RRM2B: variants seen among roughly 807,000 people sequenced by gnomAD.
RRM2B encodes the protein ribonucleotide reductase regulatory TP53 inducible subunit M2B, also known as ribonucleoside-diphosphate reductase subunit M2 B.
Under a neutral mutation model 45.9 loss-of-function variants are expected in RRM2B, and 20 were observed. That is an observed-to-expected ratio of 0.44 (90% CI 0.31 to 0.63). The LOEUF (loss-of-function observed/expected upper bound fraction) is 0.63, where lower values mean the gene tolerates loss of function less well. RRM2B is among the 30% of genes least tolerant of loss of function. The probability of loss-of-function intolerance (pLI) is 0.09; values close to 1 mark genes in which losing one functional copy is unlikely to be tolerated. For synonymous variants in RRM2B, 124 were observed against 132.3 expected (o/e 0.94, Z 0.43); for missense variants, 320 against 414.7 (o/e 0.77, Z 1.98).
At chr8:102,215,944 C>CAAAAAAAAAAAAAAAA (rs60059243) in intron 6 of RRM2B, among the ~76,000 whole-genome samples, 10 of 75,688 alleles carry the variant, frequency 1.3e-4, no homozygotes, top group African/African-American at 3.5e-4. Flanking sequence ...GACCCTGTCT[C>CAAAAAAAAAAAAAAAA]AAAAAAAAAA....
intron 4 of RRM2B, among the ~76,000 whole-genome samples, chr8:102,224,467 C>T (rs1213182221): frequency 6.7e-6 from 1 of 149,826 alleles, no homozygotes; most frequent in Non-Finnish European, 1.5e-5. Flanking sequence ...AGCCACCATG[C>T]CTTGGCCTCA....
chr8:102,223,695 C>CAAAA (rs764014539), intron 5 of RRM2B, among the ~76,000 whole-genome samples: 11 of 74,696 alleles, frequency 1.5e-4, no homozygotes, highest in Admixed American at 3.0e-4. Context: ...GACTCCGTCT[C>CAAAA]AAAAAAAAAA....
intron 6 of RRM2B, among the ~76,000 whole-genome samples, chr8:102,217,157 A>G (rs1351064746): frequency 2.6e-5 from 4 of 152,132 alleles, no homozygotes; most frequent in African/African-American, 7.2e-5. Context: ...CAAAACTACT[A>G]TTTTCAAAAG....
At chr8:102,234,631 C>G (rs971415134) in intron 1 of RRM2B, 4 of 152,198 alleles carry the variant, frequency 2.6e-5, no homozygotes, top group African/African-American at 9.7e-5. Flanking sequence ...GCGGGCGGAT[C>G]ATAAGGTCAA....
At chr8:102,228,097 T>A (rs538098725) in intron 2 of RRM2B, among the ~76,000 whole-genome samples, 2 of 152,200 alleles carry the variant, frequency 1.3e-5, no homozygotes, top group South Asian at 4.1e-4. Flanking sequence ...AAACCACCCA[T>A]GGCCCCACTC....
At chr8:102,238,795 G>GGTGA in intron 1 of RRM2B, 32 bp downstream of exon 1, 2 of 1,613,726 alleles carry the variant, frequency 1.2e-6, no homozygotes, top group Non-Finnish European at 1.7e-6. Context: ...GCGTGACTGC[G>GGTGA]GTGAGGGGGA....
At position 102,238,689 on chromosome 8, in the gene RRM2B, A is replaced by G. The variant is rs756070777; in HGVS notation, c.48+138T>C. ...GCCTCCCCGGCGCTCGCAACGACGA[A>G]GCCAGGCTGCGGCGAGGGCGGGCGG... On this transcript the variant is annotated intron_variant, in intron 1 of 8. Transcript: ENST00000251810. 3.9e-5 allele frequency: 60 copies of G among 1,551,216 alleles called. 1 individual carries two copies. The South Asian group carries it at 6.9e-4, about 18-fold the overall frequency.
chr8:102,234,263 G>A (rs1262436341), intron 1 of RRM2B, among the ~76,000 whole-genome samples: 1 of 152,174 alleles, frequency 6.6e-6, no homozygotes, highest in African/African-American at 2.4e-5. Flanking sequence ...AGTCACATTT[G>A]TATACACATT....
intron 7 of RRM2B, 51 bp downstream of exon 7, chr8:102,214,003 C>T (rs1169566776): frequency 3.3e-6 from 4 of 1,224,628 alleles, no homozygotes; most frequent in Admixed American, 1.7e-5. Context: ...AATAGTGGTA[C>T]AAACATCAGA....
intron 2 of RRM2B, 36 bp downstream of exon 2, chr8:102,232,113 T>C (rs1311993780): frequency 1.9e-6 from 3 of 1,590,026 alleles, no homozygotes; most frequent in Non-Finnish European, 2.6e-6. Context: ...CACTGCACTA[T>C]AGGATGTGAA....
chr8:102,210,565 C>T (rs528039609), intron 8 of RRM2B, among the ~76,000 whole-genome samples: 2 of 151,584 alleles, frequency 1.3e-5, no homozygotes, highest in African/African-American at 2.4e-5. Context: ...TGGGTTCAAG[C>T]GATTCTCTCG....
chr8:102,223,794 TC>T, intron 5 of RRM2B, among the ~76,000 whole-genome samples: 1 of 152,170 alleles, frequency 6.6e-6, no homozygotes, highest in South Asian at 2.1e-4. Context: ...TGTGACTGAC[TC>T]CTGTTTAACT....
chr8:102,238,241 G>C (rs1811157096), intron 1 of RRM2B, among the ~76,000 whole-genome samples: 1 of 152,176 alleles, frequency 6.6e-6, no homozygotes, highest in East Asian at 1.9e-4. Flanking sequence ...ATTGTATAAA[G>C]GAAGAAAGTG....
intron 2 of RRM2B, among the ~76,000 whole-genome samples, chr8:102,226,815 G>A (rs1183580108): frequency 6.6e-6 from 1 of 152,202 alleles, no homozygotes; most frequent in Non-Finnish European, 1.5e-5. Flanking sequence ...CCAGGTTCAA[G>A]CAATCCTCCT....
intron 2 of RRM2B, among the ~76,000 whole-genome samples, chr8:102,229,664 A>G (rs1386257297): frequency 6.6e-6 from 1 of 152,030 alleles, no homozygotes; most frequent in East Asian, 1.9e-4. Flanking sequence ...GGCTCACTGC[A>G]GCCTCTGCTA....
chr8:102,210,687 T>C (rs1325237526), intron 8 of RRM2B, among the ~76,000 whole-genome samples: 2 of 152,300 alleles, frequency 1.3e-5, no homozygotes, highest in East Asian at 1.9e-4. Flanking sequence ...GGTCTTGAAC[T>C]CCTGACCTCA....
chr8:102,236,436 A>T (rs988149693), intron 1 of RRM2B, among the ~76,000 whole-genome samples: 2 of 152,238 alleles, frequency 1.3e-5, no homozygotes, highest in Admixed American at 6.5e-5. Flanking sequence ...TAGATTTTGC[A>T]AGCAACTAAG....
chr8:102,235,514 A>T (rs1339307097), intron 1 of RRM2B, among the ~76,000 whole-genome samples: 1 of 152,246 alleles, frequency 6.6e-6, no homozygotes, highest in Non-Finnish European at 1.5e-5. Context: ...CAAACACAAT[A>T]TCCTCACAAA....
At chr8:102,220,737 A>T (rs1417192974) in intron 5 of RRM2B, among the ~76,000 whole-genome samples, 1 of 152,202 alleles carries the variant, frequency 6.6e-6, no homozygotes, top group Non-Finnish European at 1.5e-5. Flanking sequence ...TGCCTAGTGG[A>T]AAATTGGTAT....
Sources: allele counts gnomAD v4.1 joint callset (sites outside exome capture counted in the v4.1 genomes callset), GRCh38; gene constraint gnomAD v4.1.1; transcripts MANE v1.5; gene names NCBI Gene and HGNC (gene_info 2026-07-23, HGNC 2026-07-21).